The following THSD7A variants were observed in gnomAD, a reference collection of about 807,000 sequenced individuals.
THSD7A encodes thrombospondin type 1 domain containing 7A.
Under a neutral mutation model 231.3 loss-of-function variants are expected in THSD7A, and 96 were observed. The ratio of observed to expected loss-of-function variants is 0.41; its 90% CI spans 0.35 to 0.49. THSD7A has a LOEUF of 0.49. Among genes scored for constraint, THSD7A ranks in the 20% least tolerant of loss-of-function variants. THSD7A has a pLI of 0.05. For missense variants in THSD7A, 2,290 were observed against 2,070.2 expected, an observed-to-expected ratio of 1.11 and a Z score of -2.06; for synonymous variants, 940 against 743.3, an observed-to-expected ratio of 1.26 and a Z score of -4.30.
intron 7 of THSD7A, 34 bp downstream of exon 7, chr7:11,481,754 C>T (rs756559545): frequency 7.9e-5 from 122 of 1,536,120 alleles, no homozygotes; most frequent in Middle Eastern, 5.3e-4. Context: ...ACTTTTGAAA[C>T]GAACCTAGAT....
intron 1 of THSD7A, among the ~76,000 whole-genome samples, chr7:11,752,988 T>C (rs1260006731): frequency 6.6e-6 from 1 of 152,096 alleles, no homozygotes; most frequent in Non-Finnish European, 1.5e-5. Context: ...ACTCTTTACA[T>C]AGTTCAATTT....
chr7:11,545,272 A>G (rs1789332153), intron 4 of THSD7A, among the ~76,000 whole-genome samples: 1 of 152,128 alleles, frequency 6.6e-6, no homozygotes, highest in Non-Finnish European at 1.5e-5. Flanking sequence ...GTCATTTTAA[A>G]TCTTGGTGCT....
intron 1 of THSD7A, among the ~76,000 whole-genome samples, chr7:11,653,448 A>ACGTG (rs764254140): frequency 3.9e-5 from 5 of 127,046 alleles, no homozygotes; most frequent in African/African-American, 1.5e-4. Flanking sequence ...ACTCCCAGAT[A>ACGTG]TGTGTGTGTG....
At chr7:11,639,741 A>G (rs1303953271) in intron 1 of THSD7A, among the ~76,000 whole-genome samples, 1 of 152,180 alleles carries the variant, frequency 6.6e-6, no homozygotes, top group Non-Finnish European at 1.5e-5. Context: ...GTTTTATTAT[A>G]GAAATCTGAG....
chr7:11,775,972 T>C (rs1783392294), intron 1 of THSD7A, among the ~76,000 whole-genome samples: 1 of 152,194 alleles, frequency 6.6e-6, no homozygotes, highest in Non-Finnish European at 1.5e-5. Context: ...CCCTCACTAT[T>C]ATAATTATAA....
In THSD7A at chr7:11,382,454, TTCTTCAACC is replaced by T. The variant is rs1782555092; in HGVS notation, c.4507+58_4507+66del. ...GAGTAACTTTGTTTCCTTAATTATT[TTCTTCAACC>T]AATCACATGTGTGTTACAGGAAGAT... On this transcript the variant is annotated intron_variant, in intron 24 of 27. Coordinates refer to ENST00000423059, the MANE Select transcript of THSD7A (RefSeq NM_015204.3). 3 of 1,294,590 alleles carry T rather than the reference TTCTTCAACC, an allele frequency of 2.3e-6. No homozygotes were observed. The Admixed American group carries it at 5.7e-5, about 25-fold the overall frequency. 80.2% of individuals were successfully genotyped at this position (1,294,590 alleles called of 1,614,324 possible).
chr7:11,412,631 C>G (rs748522629), intron 18 of THSD7A, 25 bp downstream of exon 18: 1 of 1,612,792 alleles, frequency 6.2e-7, no homozygotes, highest in African/African-American at 1.3e-5. Context: ...GACTTAACTC[C>G]GTGATCAGAT....
chr7:11,652,462 T>C (rs1483527116), intron 1 of THSD7A, among the ~76,000 whole-genome samples: 2 of 151,990 alleles, frequency 1.3e-5, no homozygotes, highest in African/African-American at 4.8e-5. Context: ...GCCATGTATA[T>C]TGTAATTTCC....
chr7:11,706,265 C>T (rs1780762162), intron 1 of THSD7A, among the ~76,000 whole-genome samples: 1 of 150,808 alleles, frequency 6.6e-6, no homozygotes, highest in African/African-American at 2.4e-5. Flanking sequence ...CCCATGTCAA[C>T]CCAAGTGCTG....
rs74773670 is a variant in THSD7A, at chr7:11,629,355, T to G, written c.1022+6775A>C. On this transcript the variant is annotated intron_variant, in intron 2 of 27. Coordinates refer to ENST00000423059, the MANE Select transcript of THSD7A (RefSeq NM_015204.3). ...TACCATCTACCAAAGAATATGGGCA[T>G]ACTGACTCTGTTTAGTCAGGTGTGG... Among the ~76,000 whole-genome samples, 707 of 152,306 alleles carry G rather than the reference T, an allele frequency of 4.6e-3. 4 individuals carry two copies. The highest frequency in any genetic ancestry group is 0.016 in the African/African-American group (661 of 41,564).
chr7:11,651,911 G>T (rs1782522315), intron 1 of THSD7A, among the ~76,000 whole-genome samples: 1 of 151,846 alleles, frequency 6.6e-6, no homozygotes, highest in Non-Finnish European at 1.5e-5. Context: ...CTCAAGAACT[G>T]CAATATAGTT....
intron 6 of THSD7A, among the ~76,000 whole-genome samples, chr7:11,530,181 T>C (rs1254942051): frequency 6.6e-6 from 1 of 152,166 alleles, no homozygotes; most frequent in Non-Finnish European, 1.5e-5. Context: ...TTTCTGTACA[T>C]TTATTTTTTT....
At chr7:11,647,695 C>A (rs563845300) in intron 1 of THSD7A, among the ~76,000 whole-genome samples, 6 of 152,198 alleles carry the variant, frequency 3.9e-5, no homozygotes, top group Non-Finnish European at 8.8e-5. Context: ...GGCACTGTAG[C>A]CATAGAAGAC....
At chr7:11,688,573 G>C (rs957441526) in intron 1 of THSD7A, among the ~76,000 whole-genome samples, 1 of 151,822 alleles carries the variant, frequency 6.6e-6, no homozygotes, top group African/African-American at 2.4e-5. Context: ...CTTTCTGAGA[G>C]AGAGATTTAA....
At chr7:11,727,593 T>C (rs112377891) in intron 1 of THSD7A, among the ~76,000 whole-genome samples, 3,543 of 152,044 alleles carry the variant, frequency 0.023, 131 homozygotes, top group African/African-American at 0.078. Context: ...CTTTGGACAA[T>C]GAGTAGATGT....
intron 4 of THSD7A, among the ~76,000 whole-genome samples, chr7:11,552,339 C>A (rs546187458): frequency 3.9e-5 from 6 of 151,998 alleles, no homozygotes; most frequent in African/African-American, 1.4e-4. Flanking sequence ...CACACACACT[C>A]CCAACCCCTA....
intron 4 of THSD7A, among the ~76,000 whole-genome samples, chr7:11,573,832 C>A (rs1278076008): frequency 1.3e-5 from 2 of 152,098 alleles, no homozygotes; most frequent in Non-Finnish European, 2.9e-5. Flanking sequence ...AGTTTATTTA[C>A]TTATTCAATA....
At chr7:11,638,349 T>C (rs1781950245) in intron 1 of THSD7A, among the ~76,000 whole-genome samples, 1 of 152,234 alleles carries the variant, frequency 6.6e-6, no homozygotes, top group Non-Finnish European at 1.5e-5. Context: ...TTTAGTTGTA[T>C]GATTTCTCTT....
chr7:11,729,921 G>T (rs906605001), intron 1 of THSD7A, among the ~76,000 whole-genome samples: 17 of 151,240 alleles, frequency 1.1e-4, no homozygotes, highest in Non-Finnish European at 2.4e-4. Context: ...TTAAAGTTCA[G>T]AAAAAAAAGT....
Sources: gnomAD v4.1 joint callset for allele counts (sites outside exome capture counted in the v4.1 genomes callset) on GRCh38, gnomAD v4.1.1 for gene constraint, MANE v1.5 for transcripts, NCBI Gene and HGNC (gene_info 2026-07-23, HGNC 2026-07-21) for gene names.